The following GLI2 variants were observed in gnomAD, a reference collection of about 807,000 sequenced individuals.
GLI2 encodes the protein transcription activator GLI2.
A neutral mutation model predicts 78.9 loss-of-function variants in GLI2; 22 were observed. The ratio of observed to expected loss-of-function variants is 0.28; its 90% CI spans 0.20 to 0.40. GLI2 has a LOEUF of 0.40. GLI2 is among the 10% of genes least tolerant of loss of function. The pLI, the probability that GLI2 is intolerant of heterozygous loss-of-function variation, is 1.00. For missense variants in GLI2, 2,097 were observed against 2,213.2 expected (o/e 0.95, Z 1.05); for synonymous variants, 974 against 963.7 (o/e 1.01, Z -0.20).
chr2:120,983,603 G>A (rs1467307475), intron 11 of GLI2, among the ~76,000 whole-genome samples: 1 of 152,224 alleles, frequency 6.6e-6, no homozygotes, highest in African/African-American at 2.4e-5. Flanking sequence ...AGCCCCAGCA[G>A]ATGGGGCACA....
chr2:120,743,911 C>G (rs1233305809), intron 1 of GLI2, among the ~76,000 whole-genome samples: 1 of 152,150 alleles, frequency 6.6e-6, no homozygotes, highest in Non-Finnish European at 1.5e-5. Context: ...TGGGTACCCC[C>G]TGGGGAGAGT....
At chr2:120,759,459 C>A (rs1181823624) in intron 1 of GLI2, among the ~76,000 whole-genome samples, 1 of 152,182 alleles carries the variant, frequency 6.6e-6, no homozygotes, top group Non-Finnish European at 1.5e-5. Context: ...GATTAATGTG[C>A]TAGAACAGCT....
intron 2 of GLI2, among the ~76,000 whole-genome samples, chr2:120,916,340 C>G (rs1679096325): frequency 6.6e-6 from 1 of 152,258 alleles, no homozygotes; most frequent in African/African-American, 2.4e-5. Flanking sequence ...TCACTCGGTT[C>G]AGTGCCAGGG....
chr2:120,918,824 C>G (rs899742447), intron 2 of GLI2, among the ~76,000 whole-genome samples: 5 of 152,252 alleles, frequency 3.3e-5, no homozygotes, highest in African/African-American at 1.2e-4. Flanking sequence ...ACACTCATTA[C>G]TTGCTAGCGA....
At chr2:120,767,042 T>C (rs1253527068) in intron 1 of GLI2, among the ~76,000 whole-genome samples, 1 of 152,212 alleles carries the variant, frequency 6.6e-6, no homozygotes, top group Admixed American at 6.5e-5. Flanking sequence ...CATGCCCTTC[T>C]CTTGTGGCTT....
At chr2:120,804,281 ACT>A (rs1200376441) in intron 2 of GLI2, among the ~76,000 whole-genome samples, 2 of 151,882 alleles carry the variant, frequency 1.3e-5, no homozygotes, top group Admixed American at 1.3e-4. Flanking sequence ...GTGTCTTTGC[ACT>A]CTGTCTTTTT....
At chr2:120,778,649 AG>A (rs149294720) in intron 1 of GLI2, among the ~76,000 whole-genome samples, 10,566 of 152,144 alleles carry the variant, frequency 0.069, 867 homozygotes, top group African/African-American at 0.2. Context: ...GTCTGTGCCC[AG>A]GGGGTATACA....
chr2:120,876,797 G>A (rs978253587), intron 2 of GLI2, among the ~76,000 whole-genome samples: 2 of 152,298 alleles, frequency 1.3e-5, no homozygotes, highest in Non-Finnish European at 1.5e-5. Flanking sequence ...CGTGGGGTCC[G>A]AGGCAGGTGG....
intron 1 of GLI2, among the ~76,000 whole-genome samples, chr2:120,758,445 C>G (rs538767646): frequency 2.0e-5 from 3 of 152,346 alleles, no homozygotes; most frequent in Admixed American, 6.5e-5. Context: ...CTTCCTCCCC[C>G]TGACCGGGCC....
rs1364388188 is a variant in GLI2 at position 120,845,134 on chromosome 2, A to G, written c.148+47666A>G. On this transcript the variant is annotated intron_variant, in intron 2 of 13. Transcript: ENST00000361492. ...CTAAAAATACAAAAAATAGGCAGCC[A>G]TGGTGGTGCACGCCTGTAATCCCAG... 3.3e-5 allele frequency among the ~76,000 whole-genome samples: 5 copies of G among 152,096 alleles called. No homozygotes were observed. The South Asian group carries it at 6.2e-4, about 19-fold the overall frequency.
chr2:120,793,055 C>G (rs1206286518), intron 1 of GLI2, among the ~76,000 whole-genome samples: 1 of 152,226 alleles, frequency 6.6e-6, no homozygotes, highest in Non-Finnish European at 1.5e-5. Context: ...CCTGCCTAGA[C>G]TTGGGGAATC....
At chr2:120,924,505 CA>C (rs1015372031) in intron 2 of GLI2, among the ~76,000 whole-genome samples, 2 of 151,536 alleles carry the variant, frequency 1.3e-5, no homozygotes, top group Non-Finnish European at 2.9e-5. Flanking sequence ...CTAGTTGCAT[CA>C]GGGGGCTTCT....
At chr2:120,829,441 G>A (rs546884674) in intron 2 of GLI2, among the ~76,000 whole-genome samples, 1 of 152,310 alleles carries the variant, frequency 6.6e-6, no homozygotes, top group South Asian at 2.1e-4. Flanking sequence ...TGCTAGGGCT[G>A]AGCCCCAGCC....
At chr2:120,766,636 C>T (rs1683375044) in intron 1 of GLI2, among the ~76,000 whole-genome samples, 1 of 152,256 alleles carries the variant, frequency 6.6e-6, no homozygotes, top group Non-Finnish European at 1.5e-5. Context: ...TACGCTCAGA[C>T]TGGCCTGGTG....
intron 3 of GLI2, among the ~76,000 whole-genome samples, chr2:120,949,909 G>T (rs1406078660): frequency 6.6e-6 from 1 of 152,168 alleles, no homozygotes; most frequent in African/African-American, 2.4e-5. Flanking sequence ...TCTCTGGTTT[G>T]CTCAGCCAAC....
rs772723859 is a variant in GLI2 at position 120,989,156 on chromosome 2, G to T, written c.3191G>T (p.Gly1064Val). ...KAHASGALDE[G>V]TGQVYPTEST... ...CACGCCAGTGGCGCTCTGGACGAGG[G>T]CACCGGGCAGGTGTATCCCACGGAA... is the stretch of plus-strand genomic sequence containing the variant. Residue 1064 changes from glycine (G) to valine (V), a missense_variant, in exon 14 of 14, where the codon GGC becomes GTC. This residue lies in a region of GLI2 where 1,290 missense variants were observed against 1,261.7 expected (regional missense o/e 1.02). Transcript: ENST00000361492. The T allele has an allele frequency of 8.7e-6, 14 of 1,613,132 alleles. No individual in the cohort carries two copies. The East Asian group carries it at 3.1e-4, about 36-fold the overall frequency.
chr2:120,830,453 T>TG (rs1468742303), intron 2 of GLI2, among the ~76,000 whole-genome samples: 6 of 152,244 alleles, frequency 3.9e-5, no homozygotes, highest in Non-Finnish European at 7.3e-5. Flanking sequence ...TTTTTGTTCA[T>TG]GCTTCTGCTG....
At chr2:120,826,453 G>A (rs1393187424) in intron 2 of GLI2, among the ~76,000 whole-genome samples, 2 of 152,164 alleles carry the variant, frequency 1.3e-5, no homozygotes, top group African/African-American at 4.8e-5. Flanking sequence ...TGTTCGATCT[G>A]GGAGGCAGTG....
Position 120,735,912 on chromosome 2 carries a change from A to G in GLI2, c.-404A>G, listed in dbSNP as rs1682332840. On this transcript the variant is annotated 5_prime_UTR_variant, in exon 1 of 14. Coordinates refer to ENST00000361492, the MANE Select transcript of GLI2 (RefSeq NM_001374353.1). ...GCCGGCGCTTGCCAGCCGAGGCAGC[A>G]CGGCTCCGCGGACTTTTTTTCAAAC... Among the ~76,000 whole-genome samples, 1 of 151,776 alleles carries G rather than the reference A, an allele frequency of 6.6e-6. No individual in the cohort carries two copies. The highest frequency in any genetic ancestry group is 2.1e-4 in the South Asian group (1 of 4,818).
Sources: allele counts gnomAD v4.1 joint callset (sites outside exome capture counted in the v4.1 genomes callset), GRCh38; gene constraint gnomAD v4.1.1; regional missense constraint gnomAD v4.1.1; transcripts MANE v1.5; gene names NCBI Gene and HGNC (gene_info 2026-07-23, HGNC 2026-07-21).